Variants in DNAH14 observed in about 807,000 individuals in gnomAD.
The protein encoded by DNAH14 is axonemal beta dynein heavy chain 14.
Under a neutral mutation model 520.9 loss-of-function variants are expected in DNAH14, and 478 were observed. That is an observed-to-expected ratio of 0.92 (90% CI 0.85 to 0.99). DNAH14 has a LOEUF of 0.99. DNAH14 is among the 50% of genes least tolerant of loss of function. DNAH14 has a pLI of 0.00. For synonymous variants in DNAH14, 1,581 were observed against 1,757.2 expected, an observed-to-expected ratio of 0.90 and a Z score of 2.51; for missense variants, 4,831 against 5,234.5, an observed-to-expected ratio of 0.92 and a Z score of 2.38.
chr1:225,207,155 T>C lies in DNAH14; in HGVS notation c.6374T>C (p.Ile2125Thr). 1 of 1,548,006 alleles carries C rather than the reference T, an allele frequency of 6.5e-7. No homozygotes were observed. Among genetic ancestry groups the C allele is most frequent in the Non-Finnish European group, 8.7e-7 (1 of 1,145,432 alleles). Residue 2125 changes from isoleucine (I) to threonine (T), a missense_variant, in exon 41 of 86, where the codon ATA (isoleucine) becomes ACA (threonine). Ile to Thr is a moderately conservative substitution (Grantham distance 89). Transcript: ENST00000682510. ...CCTATGGAGGACATAACAGTCGTCA[T>C]AACCCTCTGCAGAATTCTTGATGCT... ...PYPMEDITVVITLCRILDAFF... is the reference protein window; with the variant it reads ...PYPMEDITVVTTLCRILDAFF...
chr1:225,166,371 A>G (rs1387466040), intron 35 of DNAH14, among the ~76,000 whole-genome samples: 1 of 152,210 alleles, frequency 6.6e-6, no homozygotes, highest in African/African-American at 2.4e-5. Flanking sequence ...TAATTTTTAC[A>G]TTAATAACTA....
intron 82 of DNAH14, among the ~76,000 whole-genome samples, chr1:225,388,931 G>A (rs1170333683): frequency 6.6e-6 from 1 of 152,078 alleles, no homozygotes; most frequent in East Asian, 1.9e-4. Flanking sequence ...CCAGCTCATT[G>A]TTTGTATTTT....
rs114835263 is a variant in DNAH14 at position 225,301,380 on chromosome 1, T to C, written c.8631+350T>C. Among the ~76,000 whole-genome samples the C allele has an allele frequency of 6.1e-3, 926 of 152,304 alleles. 4 individuals carry two copies. Among genetic ancestry groups the C allele is most frequent in the Non-Finnish European group, 9.7e-3 (658 of 68,024 alleles). On this transcript the variant is annotated intron_variant, in intron 56 of 85. Coordinates refer to ENST00000682510, the MANE Select transcript of DNAH14 (RefSeq NM_001367479.1). ...TAATGATGTTCTTATTTCGTCTTTT[T>C]GGTAACAAGTCTGGAAAGGCAAGAA...
At chr1:224,976,810 A>G (rs2061880529) in intron 8 of DNAH14, among the ~76,000 whole-genome samples, 1 of 152,008 alleles carries the variant, frequency 6.6e-6, no homozygotes, top group Non-Finnish European at 1.5e-5. Flanking sequence ...ACCAGTTAGA[A>G]TGGCAATCAT....
chr1:225,338,555 C>G (rs931532187), intron 68 of DNAH14, among the ~76,000 whole-genome samples: 1 of 152,054 alleles, frequency 6.6e-6, no homozygotes, highest in African/African-American at 2.4e-5. Context: ...CACACACACA[C>G]AAAATCCATA....
At chr1:225,248,120 A>G (rs1321886160) in intron 43 of DNAH14, among the ~76,000 whole-genome samples, 1 of 152,204 alleles carries the variant, frequency 6.6e-6, no homozygotes, top group Non-Finnish European at 1.5e-5. Flanking sequence ...CTAAATTTTT[A>G]TCCTCAGAAG....
intron 34 of DNAH14, 92 bp from the exon 35 acceptor site, chr1:225,159,222 C>A: frequency 9.6e-7 from 1 of 1,036,992 alleles, no homozygotes; most frequent in Non-Finnish European, 1.4e-6. Context: ...ATTGGGATAG[C>A]CACCCCTAAA....
chr1:225,189,929 TTTCA>T (rs780145816), intron 37 of DNAH14, among the ~76,000 whole-genome samples: 3 of 151,952 alleles, frequency 2.0e-5, no homozygotes, highest in Non-Finnish European at 2.9e-5. Flanking sequence ...TTCATTTCCT[TTTCA>T]TTTTTTACTC....
chr1:225,037,532 C>G (rs1388235376), intron 11 of DNAH14, among the ~76,000 whole-genome samples: 1 of 152,042 alleles, frequency 6.6e-6, no homozygotes, highest in Non-Finnish European at 1.5e-5. Flanking sequence ...TATACGTAAT[C>G]TCCTTGCTTC....
At chr1:225,068,040 G>C (rs1290173129) in intron 17 of DNAH14, among the ~76,000 whole-genome samples, 1 of 152,102 alleles carries the variant, frequency 6.6e-6, no homozygotes, top group Non-Finnish European at 1.5e-5. Flanking sequence ...TGTCCTGAAT[G>C]GTATTGCCTA....
At chr1:225,251,001 G>A (rs1219177548) in intron 43 of DNAH14, among the ~76,000 whole-genome samples, 1 of 152,014 alleles carries the variant, frequency 6.6e-6, no homozygotes, top group African/African-American at 2.4e-5. Flanking sequence ...TGTTGTTCAA[G>A]CCACCCAGTC....
rs140748752 is a variant in DNAH14 at position 225,085,370 on chromosome 1, G to A, written c.3328-174G>A. Among the ~76,000 whole-genome samples, 328 of 152,308 alleles carry A rather than the reference G, an allele frequency of 2.2e-3. 1 individual carries two copies. The highest frequency in any genetic ancestry group is 2.4e-3 in the Non-Finnish European group (164 of 68,014). On this transcript the variant is annotated intron_variant, in intron 20 of 85. Coordinates refer to ENST00000682510, the MANE Select transcript of DNAH14 (RefSeq NM_001367479.1). ...ATAGGATGATTTTAAAGTGCAAAGG[G>A]ATATGTCATGAAGGTTAGACCATGA... is the stretch of plus-strand genomic sequence containing the variant.
chr1:225,301,308 TGTAA>T (rs2094135061), intron 56 of DNAH14, among the ~76,000 whole-genome samples: 1 of 152,114 alleles, frequency 6.6e-6, no homozygotes, highest in South Asian at 2.1e-4. Flanking sequence ...TTTATTTTTG[TGTAA>T]GTATTTGTGT....
chr1:225,276,874 T>A (rs1189086919), intron 53 of DNAH14, among the ~76,000 whole-genome samples: 1 of 148,762 alleles, frequency 6.7e-6, no homozygotes, highest in East Asian at 2.0e-4. Flanking sequence ...TGAGCCGTGA[T>A]TGTGAAACTG....
At chr1:225,314,198 T>G (rs767025401) in intron 60 of DNAH14, among the ~76,000 whole-genome samples, 17 of 152,352 alleles carry the variant, frequency 1.1e-4, no homozygotes, top group Non-Finnish European at 2.2e-4. Context: ...TGTAATGCCC[T>G]TTTTTGTCTC....
chr1:225,066,966 T>C (rs959460669), intron 17 of DNAH14, among the ~76,000 whole-genome samples: 2 of 152,126 alleles, frequency 1.3e-5, no homozygotes, highest in African/African-American at 4.8e-5. Flanking sequence ...CGTGTGTACA[T>C]GTGTCTTTTT....
At chr1:225,290,127 T>C in intron 55 of DNAH14, 45 bp downstream of exon 55, 2 of 1,293,352 alleles carry the variant, frequency 1.5e-6, no homozygotes, top group Non-Finnish European at 2.0e-6. Flanking sequence ...TTGATATCTA[T>C]GTGGCTACCC....
intron 1 of DNAH14, among the ~76,000 whole-genome samples, chr1:224,939,128 C>T (rs1317500323): frequency 6.6e-6 from 1 of 151,996 alleles, no homozygotes; most frequent in East Asian, 1.9e-4. Flanking sequence ...TATATTTTAC[C>T]TCATTAAAAA....
chr1:225,271,841 G>A, intron 50 of DNAH14, 65 bp from the exon 51 acceptor site: 1 of 1,304,550 alleles, frequency 7.7e-7, no homozygotes, highest in Admixed American at 2.7e-5. Flanking sequence ...TTTAGTGGAA[G>A]GTAGCCAGAA....
Sources: gnomAD v4.1 joint callset for allele counts (sites outside exome capture counted in the v4.1 genomes callset) on GRCh38, gnomAD v4.1.1 for gene constraint, MANE v1.5 for transcripts, NCBI Gene and HGNC (gene_info 2026-07-23, HGNC 2026-07-21) for gene names.